SLC39A8: variants seen among roughly 807,000 people sequenced by gnomAD.
The protein encoded by SLC39A8 is solute carrier family 39 member 8.
A neutral mutation model predicts 40.4 loss-of-function variants in SLC39A8; 15 were observed. That is an observed-to-expected ratio of 0.37 (90% confidence interval 0.25 to 0.57). SLC39A8 has a LOEUF of 0.57. Ranked by LOEUF, SLC39A8 falls within the 20% of genes least tolerant of loss-of-function variation. SLC39A8 has a pLI of 0.75. For synonymous variants in SLC39A8, 223 were observed against 221.6 expected, an observed-to-expected ratio of 1.01 and a Z score of -0.06; for missense variants, 472 against 558.8, an observed-to-expected ratio of 0.84 and a Z score of 1.57.
At chr4:102,310,233 G>A (rs1433943906) in intron 3 of SLC39A8, among the ~76,000 whole-genome samples, 2 of 152,004 alleles carry the variant, frequency 1.3e-5, no homozygotes, top group Non-Finnish European at 2.9e-5. Context: ...GGCCTTCCAA[G>A]CCAACACAAA....
intron 6 of SLC39A8, among the ~76,000 whole-genome samples, chr4:102,270,795 G>T (rs184115654): frequency 6.6e-6 from 1 of 152,144 alleles, no homozygotes; most frequent in Non-Finnish European, 1.5e-5. Context: ...TTATCAGAAT[G>T]GGGGAGAAAG....
chr4:102,301,079 G>A (rs1027527881), intron 6 of SLC39A8, among the ~76,000 whole-genome samples: 11 of 151,946 alleles, frequency 7.2e-5, no homozygotes, highest in African/African-American at 1.7e-4. Context: ...ACCCTGGCAC[G>A]CACCTTCTCT....
intron 6 of SLC39A8, among the ~76,000 whole-genome samples, chr4:102,272,371 A>G (rs1732401050): frequency 6.6e-6 from 1 of 151,828 alleles, no homozygotes; most frequent in African/African-American, 2.4e-5. Context: ...CCCGGGAGAC[A>G]GAGCTTGCAG....
chr4:102,253,842 C>T (rs1731648844), intron 11 of SLC39A8, among the ~76,000 whole-genome samples: 1 of 151,984 alleles, frequency 6.6e-6, no homozygotes, highest in African/African-American at 2.4e-5. Flanking sequence ...CTATAGTGTG[C>T]GTACCGCTGA....
chr4:102,265,375 AC>A (rs1271055508), intron 8 of SLC39A8, among the ~76,000 whole-genome samples: 1 of 152,210 alleles, frequency 6.6e-6, no homozygotes, highest in African/African-American at 2.4e-5. Flanking sequence ...ACCATTTTAT[AC>A]GAATGTGGTT....
intron 6 of SLC39A8, among the ~76,000 whole-genome samples, chr4:102,299,814 CCAGGGTCCCT>C (rs775458690): frequency 1.9e-4 from 29 of 152,070 alleles, no homozygotes; most frequent in Non-Finnish European, 3.5e-4. Context: ...GGAACGAGCT[CCAGGGTCCCT>C]CTAGTGGCCT....
chr4:102,309,638 A>G (rs188581442), intron 3 of SLC39A8, among the ~76,000 whole-genome samples: 4 of 152,234 alleles, frequency 2.6e-5, no homozygotes, highest in Admixed American at 2.6e-4. Flanking sequence ...TAGACAAGAT[A>G]TATACATGTT....
At chr4:102,278,790 C>T (rs1450848017) in intron 6 of SLC39A8, among the ~76,000 whole-genome samples, 4 of 152,064 alleles carry the variant, frequency 2.6e-5, no homozygotes, top group Non-Finnish European at 5.9e-5. Flanking sequence ...ATGTATACAC[C>T]ACGGAATACT....
chr4:102,292,950 T>C (rs890046910), intron 6 of SLC39A8, among the ~76,000 whole-genome samples: 1 of 152,042 alleles, frequency 6.6e-6, no homozygotes, highest in Non-Finnish European at 1.5e-5. Context: ...AGAAACCCGA[T>C]TAGTTATCAG....
At chr4:102,330,042 G>A (rs1159311701) in intron 2 of SLC39A8, among the ~76,000 whole-genome samples, 1 of 152,178 alleles carries the variant, frequency 6.6e-6, no homozygotes, top group Non-Finnish European at 1.5e-5. Flanking sequence ...GAAATTTATA[G>A]CATTAAGTAT....
chr4:102,280,956 T>G (rs1428209746), intron 6 of SLC39A8, among the ~76,000 whole-genome samples: 2 of 151,834 alleles, frequency 1.3e-5, no homozygotes, highest in Non-Finnish European at 2.9e-5. Context: ...ACCTGAGAGG[T>G]TTTCAAGAAA....
chr4:102,258,086 T>TGTCA (rs1471358342), downstream of SLC39A8, among the ~76,000 whole-genome samples: 2 of 151,520 alleles, frequency 1.3e-5, no homozygotes, highest in African/African-American at 4.9e-5. Context: ...ACAGGTTTGT[T>TGTCA]GTAAGTAAGT....
chr4:102,335,755 T>C (rs990263180), intron 2 of SLC39A8, among the ~76,000 whole-genome samples: 7 of 152,170 alleles, frequency 4.6e-5, no homozygotes, highest in African/African-American at 1.4e-4. Flanking sequence ...TTACTACCAG[T>C]GTTTGGAGAA....
chr4:102,282,821 G>A (rs1052269989), intron 6 of SLC39A8, among the ~76,000 whole-genome samples: 6 of 152,156 alleles, frequency 3.9e-5, no homozygotes, highest in East Asian at 3.9e-4. Flanking sequence ...CTGCCTCCCC[G>A]GTTCAAGCGA....
intron 2 of SLC39A8, 105 bp from the exon 3 acceptor site, chr4:102,315,935 T>G (rs1734636552): frequency 2.2e-6 from 2 of 894,648 alleles, no homozygotes; most frequent in South Asian, 7.0e-5. Context: ...TGCACAGCAC[T>G]CTTTATACAA....
intron 6 of SLC39A8, among the ~76,000 whole-genome samples, chr4:102,282,627 G>T (rs971560192): frequency 1.3e-5 from 2 of 149,316 alleles, no homozygotes; most frequent in Middle Eastern, 3.5e-3. Flanking sequence ...GTGGGGGGGG[G>T]TGCTGAATTA....
Position 102,261,824 on chromosome 4 carries a change from A to G in SLC39A8, c.*1220T>C, listed in dbSNP as rs1022944716. 1.2e-4 allele frequency: 118 copies of G among 985,974 alleles called. No homozygotes were observed. The highest frequency in any genetic ancestry group is 5.2e-4 in the Middle Eastern group (1 of 1,914). 61.1% of individuals were successfully genotyped at this position (985,974 alleles called of 1,614,324 possible). On this transcript the variant is annotated 3_prime_UTR_variant, in exon 9 of 9. Coordinates refer to ENST00000356736, the MANE Select transcript of SLC39A8 (RefSeq NM_001135146.2). ...TCTGTTGGAAAATGTAATTCCTGAG[A>G]TCATTGTTGGGCTTTGTCAATCATT...
intron 2 of SLC39A8, among the ~76,000 whole-genome samples, chr4:102,325,457 G>A (rs1047600310): frequency 5.3e-5 from 8 of 151,944 alleles, no homozygotes; most frequent in South Asian, 2.1e-4. Context: ...ACACACTTAC[G>A]TTCACTCTCA....
exon 12 of SLC39A8, chr4:102,251,664 T>A (rs1247578648): frequency 1.3e-5 from 2 of 152,114 alleles, no homozygotes; most frequent in Non-Finnish European, 2.9e-5. Context: ...GCAGTGAGAG[T>A]CAATCGCTTC....
Sources: allele counts gnomAD v4.1 joint callset (sites outside exome capture counted in the v4.1 genomes callset), GRCh38; gene constraint gnomAD v4.1.1; transcripts MANE v1.5; gene names NCBI Gene and HGNC (gene_info 2026-07-23, HGNC 2026-07-21).